Variants in METTL22 observed in about 807,000 individuals in gnomAD.
The protein encoded by METTL22 is methyltransferase-like protein 22.
In METTL22, 51 loss-of-function variants were observed where a neutral mutation model predicts 48.4. The ratio of observed to expected loss-of-function variants is 1.05; its 90% CI spans 0.84 to 1.33. The LOEUF (loss-of-function observed/expected upper bound fraction) is 1.33. Ranked by LOEUF, METTL22 falls within the 40% of genes most tolerant of loss-of-function variation. METTL22 has a pLI of 0.00. For missense variants in METTL22, 678 were observed against 526.9 expected (o/e 1.29, Z -2.81); for synonymous variants, 255 against 214.1 (o/e 1.19, Z -1.67).
chr16:8,635,299 C>A lies in METTL22; in HGVS notation c.687C>A (p.Thr229=). 2 of 1,579,938 alleles carry A rather than the reference C, an allele frequency of 1.3e-6. No homozygotes were observed. Among genetic ancestry groups the A allele is most frequent in the Middle Eastern group, 1.7e-4 (1 of 5,892 alleles). ...TCATCGCAGCCACCATGGCACGGAC[C>A]GTTTATTGTACAGGTAATGAGGTGA... ...ASIIAATMAR[T]VYCTDVGADL... The change falls in exon 5 of 11, where the codon ACC becomes ACA. Residue 229 remains threonine, a synonymous_variant. Coordinates refer to ENST00000381920, the MANE Select transcript of METTL22 (RefSeq NM_024109.4).
At chr16:8,662,687 C>T in the METTL22 span, among the ~76,000 whole-genome samples, 2 of 143,534 alleles carry the variant, frequency 1.4e-5, 1 homozygote, top group Non-Finnish European at 3.1e-5. Context: ...CAGAGCCTTC[C>T]CCCAGCACCC....
chr16:8,628,781 C>A lies in METTL22; in HGVS notation c.185C>A (p.Ser62Ter). 3 of 1,614,178 alleles carry A rather than the reference C, an allele frequency of 1.9e-6. No individual in the cohort carries two copies. The highest frequency in any genetic ancestry group is 2.5e-6 in the Non-Finnish European group (3 of 1,180,020). Residue 62 changes from serine to a stop codon, truncating the protein, a stop_gained, in exon 3 of 11, where the codon TCA becomes TAA. Transcript: ENST00000381920. LOFTEE classifies it high-confidence loss of function. ...TGGAGCCAAGACTCTTGGACAGATTCAGGAGCCAAGGGTGGCAGTCACAGA... is the reference window on the plus strand; with the variant it reads ...TGGAGCCAAGACTCTTGGACAGATTAAGGAGCCAAGGGTGGCAGTCACAGA... ...LLWSQDSWTD[S>*]GAKGGSHRDV... is the part of the protein sequence containing the mutation.
intron 6 of METTL22, chr16:8,639,492 A>T: frequency 5.6e-6 from 2 of 354,244 alleles, no homozygotes. Context: ...GCCCTTTCTC[A>T]GATGCAAGCC....
At position 8,628,895 on chromosome 16, in the gene METTL22, T is replaced by G; in HGVS notation, c.299T>G (p.Leu100Arg). ...GGCCATGGTAATGAGGGTTTCTCCC[T>G]CCAGGCCGGGACTGACACCACTGGC... Reference protein sequence around the residue: ...GSGHGNEGFSLQAGTDTTGQE... With the variant: ...GSGHGNEGFSRQAGTDTTGQE... Residue 100 changes from leucine (L) to arginine (R), a missense_variant, in exon 3 of 11, where the codon CTC (leucine) becomes CGC (arginine). Physicochemically the swap from Leu to Arg is moderately radical, Grantham distance 102. Coordinates refer to ENST00000381920, the MANE Select transcript of METTL22 (RefSeq NM_024109.4). The G allele has an allele frequency of 6.2e-7, 1 of 1,613,752 alleles. No individual in the cohort carries two copies. Among genetic ancestry groups the G allele is most frequent in the Non-Finnish European group, 8.5e-7 (1 of 1,179,962 alleles).
At chr16:8,635,985 A>AG (rs894065894) in intron 5 of METTL22, among the ~76,000 whole-genome samples, 3 of 152,224 alleles carry the variant, frequency 2.0e-5, no homozygotes, top group Admixed American at 6.5e-5. Context: ...GTATATATTT[A>AG]GGGGGTACAA....
At chr16:8,661,344 C>A in the METTL22 span, among the ~76,000 whole-genome samples, 29 of 152,136 alleles carry the variant, frequency 1.9e-4, no homozygotes, top group Middle Eastern at 6.8e-3. Flanking sequence ...TAAAACCCGC[C>A]TTTATTAAGA....
chr16:8,657,824 C>CTT, the METTL22 span, among the ~76,000 whole-genome samples: 2 of 137,430 alleles, frequency 1.5e-5, no homozygotes, highest in African/African-American at 2.9e-5. Context: ...TCTTTTCTTT[C>CTT]TTTTTTTTTT....
Position 8,639,420 on chromosome 16 carries a change from G to A in METTL22, c.772+258G>A. 6 of 546,568 alleles carry A rather than the reference G, an allele frequency of 1.1e-5. No homozygotes were observed. The South Asian group carries it at 1.3e-4, about 12-fold the overall frequency. The allele number at this position is 546,568 out of a possible 1,614,324, so 33.9% of individuals were successfully genotyped here. ...CTCCCGGACACTGGCGGCGGCCCCT[G>A]AGCTGGTCTCCCCAGCTCCTTAGTT... On this transcript the variant is annotated intron_variant, in intron 6 of 10. Coordinates refer to ENST00000381920, the MANE Select transcript of METTL22 (RefSeq NM_024109.4).
chr16:8,658,738 G>C, the METTL22 span, among the ~76,000 whole-genome samples: 4 of 152,184 alleles, frequency 2.6e-5, no homozygotes, highest in South Asian at 2.1e-4. Flanking sequence ...TTTCAGTCCA[G>C]ATTTGACCAG....
the METTL22 span, among the ~76,000 whole-genome samples, chr16:8,661,644 C>A: frequency 4.5e-3 from 495 of 110,188 alleles, 2 homozygotes; most frequent in Admixed American, 5.2e-3. Context: ...GACTCCGTCT[C>A]AAAAAAAAAA....
At chr16:8,627,786 C>T (rs1232968863) in intron 2 of METTL22, among the ~76,000 whole-genome samples, 1 of 152,162 alleles carries the variant, frequency 6.6e-6, no homozygotes, top group African/African-American at 2.4e-5. Flanking sequence ...CATTCTGTCA[C>T]CCAAGCTGGA....
chr16:8,637,456 C>T (rs1388505397), intron 5 of METTL22, among the ~76,000 whole-genome samples: 1 of 152,234 alleles, frequency 6.6e-6, no homozygotes, highest in Non-Finnish European at 1.5e-5. Context: ...AGAAAGCTTG[C>T]ATTTAGATGC....
the METTL22 span, among the ~76,000 whole-genome samples, chr16:8,655,372 G>A: frequency 6.6e-6 from 1 of 152,218 alleles, no homozygotes; most frequent in East Asian, 1.9e-4. Context: ...CTCACTGGCT[G>A]CTGACCACAG....
At chr16:8,658,697 T>A in the METTL22 span, among the ~76,000 whole-genome samples, 1 of 152,214 alleles carries the variant, frequency 6.6e-6, no homozygotes, top group African/African-American at 2.4e-5. Flanking sequence ...TATTAACATA[T>A]CTCCGTCTTT....
At chr16:8,659,347 A>C in the METTL22 span, among the ~76,000 whole-genome samples, 1 of 151,930 alleles carries the variant, frequency 6.6e-6, no homozygotes, top group Non-Finnish European at 1.5e-5. Context: ...GAACAAAAAA[A>C]ACTTGGTATG....
chr16:8,644,919 A>G (rs1004410917), intron 10 of METTL22, 194 bp downstream of exon 10: 38 of 526,484 alleles, frequency 7.2e-5, no homozygotes, highest in South Asian at 6.8e-5. Context: ...AGCAGCCACC[A>G]TGTCTGGAGA....
chr16:8,662,202 A>G, the METTL22 span, among the ~76,000 whole-genome samples: 1 of 145,666 alleles, frequency 6.9e-6, no homozygotes, highest in African/African-American at 2.6e-5. Context: ...TGACTGCACC[A>G]CTGCACTCCC....
chr16:8,629,904 C>T (rs1417156421), intron 3 of METTL22, among the ~76,000 whole-genome samples: 1 of 152,122 alleles, frequency 6.6e-6, no homozygotes, highest in Non-Finnish European at 1.5e-5. Flanking sequence ...TGCACAACCC[C>T]TCCTGAGGGG....
intron 9 of METTL22, among the ~76,000 whole-genome samples, chr16:8,643,957 T>TA (rs535194771): frequency 2.6e-5 from 4 of 152,244 alleles, no homozygotes; most frequent in Admixed American, 2.6e-4. Context: ...TTTTTCTTGA[T>TA]AAAAAAATTT....
Sources: allele counts gnomAD v4.1 joint callset (sites outside exome capture counted in the v4.1 genomes callset), GRCh38; gene constraint gnomAD v4.1.1; transcripts MANE v1.5; gene names NCBI Gene and HGNC (gene_info 2026-07-23, HGNC 2026-07-21).